GANC: variants seen among roughly 807,000 people sequenced by gnomAD.
GANC encodes neutral alpha-glucosidase C.
A neutral mutation model predicts 124.2 loss-of-function variants in GANC; 117 were observed. The ratio of observed to expected loss-of-function variants is 0.94; its 90% CI spans 0.81 to 1.10. GANC has a LOEUF of 1.10. GANC is among the 50% of genes least tolerant of loss of function. GANC has a pLI of 0.00. For synonymous variants in GANC, 377 were observed against 376.8 expected, an observed-to-expected ratio of 1.00 and a Z score of -0.01; for missense variants, 1,140 against 1,095.0, an observed-to-expected ratio of 1.04 and a Z score of -0.58.
Position 42,338,439 on chromosome 15 carries a change from T to C in GANC, c.1792T>C (p.Ser598Pro). 1.2e-6 allele frequency: 2 copies of C among 1,614,138 alleles called. No individual in the cohort carries two copies. The highest frequency in any genetic ancestry group is 1.7e-6 in the Non-Finnish European group (2 of 1,179,968). Residue 598 changes from serine (S) to proline (P), a missense_variant, in exon 16 of 24, where the codon TCT (serine) becomes CCT (proline). Transcript: ENST00000318010. The stretch of plus-strand genomic sequence containing the variant: ...AGCAGAATGGAGCAACTTGAAAATT[T>C]CTATCCCAATGTTACTCACTCTCAG... ...NTAEWSNLKISIPMLLTLSIT... is the reference protein window; with the variant it reads ...NTAEWSNLKIPIPMLLTLSIT...
At chr15:42,327,306 C>T (rs2052205785) in intron 12 of GANC, 57 bp from the exon 13 acceptor site, 1 of 1,268,438 alleles carries the variant, frequency 7.9e-7, no homozygotes, top group African/African-American at 1.5e-5. Flanking sequence ...CTTTACAATG[C>T]ATCCTACTGT....
intron 6 of GANC, among the ~76,000 whole-genome samples, chr15:42,300,909 T>G (rs1209497956): frequency 6.6e-6 from 1 of 151,362 alleles, no homozygotes; most frequent in Non-Finnish European, 1.5e-5. Context: ...TCCCAGCTAC[T>G]AGGGAGGCTG....
chr15:42,343,591 A>G (rs572153982), intron 19 of GANC, among the ~76,000 whole-genome samples: 10 of 152,240 alleles, frequency 6.6e-5, no homozygotes, highest in Non-Finnish European at 1.2e-4. Flanking sequence ...AGTGGGTAAA[A>G]AGTAAAAATA....
intron 15 of GANC, among the ~76,000 whole-genome samples, chr15:42,333,023 A>T (rs141169363): frequency 1.3e-4 from 18 of 140,470 alleles, no homozygotes; most frequent in East Asian, 8.2e-4. Context: ...TGTCTCAAAA[A>T]ATATATATAT....
chr15:42,320,345 G>C (rs1267113291), intron 10 of GANC, among the ~76,000 whole-genome samples: 1 of 152,088 alleles, frequency 6.6e-6, no homozygotes, highest in African/African-American at 2.4e-5. Context: ...AGATACTAAT[G>C]ATAATGTTTT....
At chr15:42,283,719 C>G (rs1196771819) in intron 3 of GANC, 2 of 702,396 alleles carry the variant, frequency 2.8e-6, no homozygotes, top group Non-Finnish European at 5.2e-6. Context: ...TCATCTAAGC[C>G]TAATGAAAAT....
rs370460538 is a variant in GANC, at chr15:42,292,761, G to A, written c.356G>A (p.Gly119Asp). 2 of 1,613,846 alleles carry A rather than the reference G, an allele frequency of 1.2e-6. No homozygotes were observed. The highest frequency in any genetic ancestry group is 2.7e-5 in the African/African-American group (2 of 74,922). Residue 119 changes from glycine (G) to aspartate (D), a missense_variant, in exon 5 of 24, where the codon GGC becomes GAC. Coordinates refer to ENST00000318010, the MANE Select transcript of GANC (RefSeq NM_198141.3). ...CTGATTTCATGCTCTGGGGACACAGGCAGTCTGATATTGGCAGATGGAAAA... is the reference window on the plus strand; with the variant it reads ...CTGATTTCATGCTCTGGGGACACAGACAGTCTGATATTGGCAGATGGAAAA... ...VRLISCSGDT[G>D]SLILADGKGD...
intron 11 of GANC, among the ~76,000 whole-genome samples, chr15:42,323,668 A>G (rs897216838): frequency 4.0e-5 from 6 of 151,690 alleles, no homozygotes; most frequent in African/African-American, 9.7e-5. Context: ...ATGGCCAACT[A>G]ATTTTTGTAT....
chr15:42,337,347 AT>A (rs1360223811), intron 15 of GANC, among the ~76,000 whole-genome samples: 5 of 152,130 alleles, frequency 3.3e-5, no homozygotes, highest in African/African-American at 4.8e-5. Flanking sequence ...GGTCTTTGAT[AT>A]TTTTTTCTTT....
Position 42,278,561 on chromosome 15 carries a change from A to G in GANC, c.172A>G (p.Arg58Gly), listed in dbSNP as rs1476875870. The G allele has an allele frequency of 3.7e-6, 6 of 1,612,216 alleles. No individual in the cohort carries two copies. Among genetic ancestry groups the G allele is most frequent in the Non-Finnish European group, 5.1e-6 (6 of 1,179,072 alleles). Reference protein sequence around the residue: ...DSVTTDEDSTRFQIINEASKV... With the variant: ...DSVTTDEDSTGFQIINEASKV... ...AGTCACAACAGATGAAGACAGCACC[A>G]GGTTCCAAATCATCAATGAAGCAAG... Residue 58 changes from arginine (R) to glycine (G), a missense_variant, in exon 3 of 24, where the codon AGG (arginine) becomes GGG (glycine). Physicochemically the swap from Arg to Gly is moderately radical, Grantham distance 125. Transcript: ENST00000318010.
At chr15:42,321,483 G>C (rs1465604464) in intron 10 of GANC, among the ~76,000 whole-genome samples, 1 of 152,116 alleles carries the variant, frequency 6.6e-6, no homozygotes, top group African/African-American at 2.4e-5. Flanking sequence ...TATCTCCTCT[G>C]TGAAGCCTTT....
chr15:42,299,542 A>G (rs1477296040), intron 6 of GANC, among the ~76,000 whole-genome samples: 1 of 152,208 alleles, frequency 6.6e-6, no homozygotes, highest in African/African-American at 2.4e-5. Context: ...AAAATAATTT[A>G]TAGATTCAAT....
At chr15:42,302,885 C>T (rs906299891) in intron 6 of GANC, among the ~76,000 whole-genome samples, 4 of 152,102 alleles carry the variant, frequency 2.6e-5, no homozygotes, top group Non-Finnish European at 5.9e-5. Context: ...TTGATTGATA[C>T]ACCTGAAAAT....
chr15:42,297,657 G>A lies in GANC; in HGVS notation c.558+1G>A. The A allele has an allele frequency of 6.2e-7, 1 of 1,601,018 alleles. No homozygotes were observed. The highest frequency in any genetic ancestry group is 8.6e-7 in the Non-Finnish European group (1 of 1,169,496). ...GGAGACATCAGTGGACACCTCTCAGGTAATCTAGATTGATCCATTTATTGT... is the reference window on the plus strand; with the variant it reads ...GGAGACATCAGTGGACACCTCTCAGATAATCTAGATTGATCCATTTATTGT... On this transcript the variant is annotated splice_donor_variant, in intron 6 of 23. Transcript: ENST00000318010. LOFTEE classifies it high-confidence loss of function.
intron 11 of GANC, 123 bp downstream of exon 11, chr15:42,322,143 T>G (rs2052164689): frequency 1.3e-6 from 1 of 742,228 alleles, no homozygotes; most frequent in Non-Finnish European, 2.2e-6. Flanking sequence ...AATAGTAGAT[T>G]CAAATATAAT....
chr15:42,339,380 T>A (rs2052311262), intron 16 of GANC, among the ~76,000 whole-genome samples: 1 of 149,492 alleles, frequency 6.7e-6, no homozygotes, highest in Non-Finnish European at 1.5e-5. Context: ...AGGCAGACAT[T>A]TTTCAGTGTC....
At chr15:42,303,150 G>A (rs766001590) in intron 6 of GANC, among the ~76,000 whole-genome samples, 37 of 152,296 alleles carry the variant, frequency 2.4e-4, no homozygotes, top group Middle Eastern at 3.4e-3. Flanking sequence ...GACTAACACC[G>A]GATCTCTCTG....
intron 2 of GANC, chr15:42,278,003 A>G (rs12916523): frequency 0.96 from 348,587 of 364,684 alleles, 167,939 homozygotes; most frequent in Non-Finnish European, 1. Flanking sequence ...GCTTTCTAAC[A>G]TATTCCCTCT....
chr15:42,316,354 C>T (rs1052103935), intron 10 of GANC, among the ~76,000 whole-genome samples: 6 of 151,892 alleles, frequency 4.0e-5, no homozygotes, highest in African/African-American at 9.7e-5. Context: ...AATGGCTGGG[C>T]GCGCTGATAT....
Sources: allele counts gnomAD v4.1 joint callset (sites outside exome capture counted in the v4.1 genomes callset), GRCh38; gene constraint gnomAD v4.1.1; transcripts MANE v1.5; gene names NCBI Gene and HGNC (gene_info 2026-07-23, HGNC 2026-07-21).